ADAMTSL1: variants seen among roughly 807,000 people sequenced by gnomAD.
ADAMTSL1 encodes the protein ADAMTS like 1.
ADAMTSL1 carries 126 observed loss-of-function variants against 201.8 expected under a neutral mutation model. The ratio of observed to expected loss-of-function variants is 0.62; its 90% CI spans 0.54 to 0.72. ADAMTSL1 has a LOEUF of 0.72. Ranked by LOEUF, ADAMTSL1 falls within the 30% of genes least tolerant of loss-of-function variation. ADAMTSL1 has a pLI of 0.00. For synonymous variants in ADAMTSL1, 1,121 were observed against 903.4 expected (o/e 1.24, Z -4.32); for missense variants, 2,679 against 2,277.8 (o/e 1.18, Z -3.59).
At position 18,786,496 on chromosome 9, in the gene ADAMTSL1, C is replaced by G. The variant is rs577652093; in HGVS notation, c.3677+8590C>G. 1.5e-3 allele frequency among the ~76,000 whole-genome samples: 226 copies of G among 152,314 alleles called. 1 individual carries two copies. The highest frequency in any genetic ancestry group is 5.3e-3 in the African/African-American group (219 of 41,564). On this transcript the variant is annotated intron_variant, in intron 19 of 28. Coordinates refer to ENST00000380548, the MANE Select transcript of ADAMTSL1 (RefSeq NM_001040272.6). Reference sequence around the variant, plus strand: ...TAGTTAAACTAAAATGATACTAGTACAATTAGGCACTTTGATTCTGCCCTT... The same window carrying G: ...TAGTTAAACTAAAATGATACTAGTAGAATTAGGCACTTTGATTCTGCCCTT...
intron 2 of ADAMTSL1, among the ~76,000 whole-genome samples, chr9:18,448,366 T>G (rs769118565): frequency 8.5e-5 from 13 of 152,094 alleles, no homozygotes; most frequent in Non-Finnish European, 1.6e-4. Context: ...AACCACAAAC[T>G]GAGAAGTTTG....
intron 1 of ADAMTSL1, among the ~76,000 whole-genome samples, chr9:18,479,674 C>T (rs1222767162): frequency 6.6e-6 from 1 of 152,148 alleles, no homozygotes; most frequent in Non-Finnish European, 1.5e-5. Context: ...TTCTTTCTGT[C>T]CCACAAAGCT....
intron 1 of ADAMTSL1, among the ~76,000 whole-genome samples, chr9:17,953,886 T>G (rs1238559378): frequency 6.6e-6 from 1 of 152,322 alleles, no homozygotes; most frequent in African/African-American, 2.4e-5. Context: ...CCATCATGAC[T>G]GGGCTCTCAG....
chr9:18,139,509 A>G (rs1484852254), intron 1 of ADAMTSL1, among the ~76,000 whole-genome samples: 1 of 152,144 alleles, frequency 6.6e-6, no homozygotes, highest in Non-Finnish European at 1.5e-5. Context: ...TCCTATTCTG[A>G]TAACCCCTGA....
At chr9:18,174,586 A>T (rs1223160717) in intron 2 of ADAMTSL1, among the ~76,000 whole-genome samples, 1 of 152,292 alleles carries the variant, frequency 6.6e-6, no homozygotes, top group East Asian at 1.9e-4. Context: ...GAATTTTAAA[A>T]TTTTCTAATA....
chr9:18,370,571 T>G (rs1331640421), intron 2 of ADAMTSL1, among the ~76,000 whole-genome samples: 1 of 152,232 alleles, frequency 6.6e-6, no homozygotes. Flanking sequence ...TTGATAGCGT[T>G]GGTAACAGAA....
intron 1 of ADAMTSL1, among the ~76,000 whole-genome samples, chr9:17,949,276 C>T (rs1827637221): frequency 6.6e-6 from 1 of 152,022 alleles, no homozygotes; most frequent in South Asian, 2.1e-4. Context: ...AGGTAGTCTC[C>T]CAGGGACAGA....
At chr9:18,608,578 A>C (rs1754493816) in intron 4 of ADAMTSL1, among the ~76,000 whole-genome samples, 1 of 152,160 alleles carries the variant, frequency 6.6e-6, no homozygotes, top group Admixed American at 6.5e-5. Context: ...TCATTTTTCC[A>C]TTGTCATAAT....
chr9:18,492,408 A>G (rs137997664), intron 1 of ADAMTSL1, among the ~76,000 whole-genome samples: 2,558 of 152,308 alleles, frequency 0.017, 28 homozygotes, highest in African/African-American at 0.033. Context: ...ATAATTTAGC[A>G]TTTCTTTTAT....
intron 1 of ADAMTSL1, among the ~76,000 whole-genome samples, chr9:17,961,748 C>G (rs1419019470): frequency 1.3e-5 from 2 of 152,150 alleles, no homozygotes; most frequent in Non-Finnish European, 2.9e-5. Flanking sequence ...TGGGGACTCC[C>G]TCTCTATTTG....
At chr9:18,486,549 G>GA (rs1822005405) in intron 1 of ADAMTSL1, among the ~76,000 whole-genome samples, 1 of 152,202 alleles carries the variant, frequency 6.6e-6, no homozygotes, top group Non-Finnish European at 1.5e-5. Flanking sequence ...AAGAAAAAAT[G>GA]CAAAAATTGG....
chr9:18,385,050 A>T (rs754049778), intron 2 of ADAMTSL1, among the ~76,000 whole-genome samples: 3 of 152,196 alleles, frequency 2.0e-5, no homozygotes, highest in Non-Finnish European at 2.9e-5. Flanking sequence ...GGATGCAGAC[A>T]TAAATACTGT....
chr9:18,055,366 T>G (rs10963418), intron 1 of ADAMTSL1, among the ~76,000 whole-genome samples: 43,866 of 152,080 alleles, frequency 0.29, 8,018 homozygotes, highest in Non-Finnish European at 0.4. Flanking sequence ...CTCCATGTGG[T>G]AAATGCTGCC....
intron 16 of ADAMTSL1, among the ~76,000 whole-genome samples, chr9:18,756,621 A>G (rs932858536): frequency 2.0e-5 from 3 of 152,214 alleles, no homozygotes; most frequent in African/African-American, 7.2e-5. Flanking sequence ...GTGTACACTC[A>G]CCTGGTCTTT....
At chr9:17,916,571 A>G (rs1826102261) in intron 1 of ADAMTSL1, among the ~76,000 whole-genome samples, 1 of 152,148 alleles carries the variant, frequency 6.6e-6, no homozygotes, top group African/African-American at 2.4e-5. Context: ...TGCAAAGACC[A>G]TCCTTTCTCC....
chr9:18,749,465 G>A (rs1182964531), intron 15 of ADAMTSL1, among the ~76,000 whole-genome samples: 1 of 152,114 alleles, frequency 6.6e-6, no homozygotes, highest in East Asian at 1.9e-4. Context: ...CTCACTCTCT[G>A]ATGCCTAGAC....
intron 1 of ADAMTSL1, among the ~76,000 whole-genome samples, chr9:17,934,060 T>C (rs1174228396): frequency 2.0e-5 from 3 of 152,186 alleles, no homozygotes; most frequent in Admixed American, 1.3e-4. Flanking sequence ...GGAATGACTT[T>C]GATATTGGCA....
At chr9:18,605,722 T>C (rs924094380) in intron 4 of ADAMTSL1, among the ~76,000 whole-genome samples, 3 of 152,218 alleles carry the variant, frequency 2.0e-5, no homozygotes, top group Admixed American at 2.0e-4. Flanking sequence ...TTTCCTGATT[T>C]TGTGTAATTT....
chr9:17,973,982 A>G (rs1359708829), intron 1 of ADAMTSL1, among the ~76,000 whole-genome samples: 4 of 151,768 alleles, frequency 2.6e-5, no homozygotes, highest in African/African-American at 7.3e-5. Context: ...TTATTGGTGT[A>G]TAAGAATGCT....
Sources: gnomAD v4.1 joint callset for allele counts (sites outside exome capture counted in the v4.1 genomes callset) on GRCh38, gnomAD v4.1.1 for gene constraint, MANE v1.5 for transcripts, NCBI Gene and HGNC (gene_info 2026-07-23, HGNC 2026-07-21) for gene names.